CLEC12A: variants seen among roughly 807,000 people sequenced by gnomAD.
CLEC12A encodes the protein C-type lectin protein CLL-1.
A neutral mutation model predicts 26.5 loss-of-function variants in CLEC12A; 22 were observed. The ratio of observed to expected loss-of-function variants is 0.83; its 90% CI spans 0.59 to 1.19. The LOEUF (loss-of-function observed/expected upper bound fraction) is 1.19. Among genes scored for constraint, CLEC12A ranks in the 50% most tolerant of loss-of-function variants. CLEC12A has a pLI of 0.00. For synonymous variants in CLEC12A, 119 were observed against 101.9 expected (o/e 1.17, Z -1.01); for missense variants, 353 against 315.6 (o/e 1.12, Z -0.90).
At chr12:9,952,493 C>A (rs1038447103) in intron 1 of CLEC12A, 4 of 151,416 alleles carry the variant, frequency 2.6e-5, no homozygotes, top group African/African-American at 1.0e-4. Context: ...GGTGCCCAGG[C>A]TGGAGTGCAG....
rs182331134 is a variant in CLEC12A at position 9,981,891 on chromosome 12, A to G, written c.532-129A>G. Reference sequence around the variant, plus strand: ...TACTTTCTTTCAATTTCTTATAATGACATTTAATAGTAGTAGTGCAATGTC... The same window carrying G: ...TACTTTCTTTCAATTTCTTATAATGGCATTTAATAGTAGTAGTGCAATGTC... On this transcript the variant is annotated intron_variant, in intron 4 of 5. Transcript: ENST00000304361. 3.1e-5 allele frequency: 16 copies of G among 518,688 alleles called. 1 individual carries two copies. Among genetic ancestry groups the G allele is most frequent in the East Asian group, 2.4e-4 (7 of 29,412 alleles). 32.1% of individuals were successfully genotyped at this position (518,688 alleles called of 1,614,324 possible).
At chr12:9,990,570 A>C (rs990257838), downstream of CLEC12A, among the ~76,000 whole-genome samples, 2 of 152,196 alleles carry the variant, frequency 1.3e-5, no homozygotes, top group African/African-American at 4.8e-5. Context: ...GGATGAGCAA[A>C]GAAAATGGTT....
At chr12:9,976,584 G>A (rs2137165402) in intron 1 of CLEC12A, among the ~76,000 whole-genome samples, 1 of 152,302 alleles carries the variant, frequency 6.6e-6, no homozygotes, top group South Asian at 2.1e-4. Flanking sequence ...AGGTGGAAGG[G>A]ACTTGCCTTG....
At position 9,985,125 on chromosome 12, in the gene CLEC12A, G is replaced by A; in HGVS notation, c.*99G>A. ...GGTTGACAATTAGTTGAGTTTGTCT[G>A]AAGACCTGGGATTTTATCATGCAGA... On this transcript the variant is annotated 3_prime_UTR_variant, in exon 6 of 6. Transcript: ENST00000304361. The A allele has an allele frequency of 8.0e-7, 1 of 1,253,106 alleles. No homozygotes were observed. The highest frequency in any genetic ancestry group is 1.0e-6 in the Non-Finnish European group (1 of 977,642). 77.6% of individuals were successfully genotyped at this position (1,253,106 alleles called of 1,614,324 possible).
At chr12:9,994,166 G>A (rs1410096038) in intron 4 of CLEC12A, among the ~76,000 whole-genome samples, 2 of 152,110 alleles carry the variant, frequency 1.3e-5, no homozygotes, top group Non-Finnish European at 2.9e-5. Context: ...TCAGTGGAGA[G>A]ATGGTCATGG....
At chr12:9,956,489 T>C (rs902095687) in intron 1 of CLEC12A, among the ~76,000 whole-genome samples, 1 of 152,152 alleles carries the variant, frequency 6.6e-6, no homozygotes, top group Non-Finnish European at 1.5e-5. Context: ...CCCAGAAAAC[T>C]CAAGTTGTTT....
chr12:9,997,539 T>A (rs17734363), downstream of CLEC12A, among the ~76,000 whole-genome samples: 3,489 of 152,192 alleles, frequency 0.023, 56 homozygotes, highest in Non-Finnish European at 0.036. Flanking sequence ...ATCGATAACA[T>A]CCCCAGAGCC....
chr12:9,952,514 T>G (rs1402718937), intron 1 of CLEC12A: 1 of 152,430 alleles, frequency 6.6e-6, no homozygotes, highest in Non-Finnish European at 1.4e-5. Flanking sequence ...TGGCGTGATC[T>G]CGGCTCACTA....
downstream of CLEC12A, chr12:9,996,921 T>G (rs757185250): frequency 6.2e-7 from 1 of 1,614,152 alleles, no homozygotes; most frequent in South Asian, 1.1e-5. Flanking sequence ...CTTCCCATGT[T>G]AAGTTGTGCC....
At chr12:9,971,400 A>G (rs1403547109), upstream of CLEC12A, 3 of 1,207,886 alleles carry the variant, frequency 2.5e-6, no homozygotes, top group Non-Finnish European at 3.1e-6. Flanking sequence ...GAAGCCACAG[A>G]TGAGATTTGG....
chr12:9,962,487 A>G (rs1863850507), intron 1 of CLEC12A, among the ~76,000 whole-genome samples: 1 of 152,124 alleles, frequency 6.6e-6, no homozygotes, highest in African/African-American at 2.4e-5. Context: ...TGTGAGCAAC[A>G]AGGCTGTTTA....
chr12:10,002,584 A>C, the CLEC12A span, among the ~76,000 whole-genome samples: 2 of 150,854 alleles, frequency 1.3e-5, no homozygotes, highest in Admixed American at 1.3e-4. Context: ...TTGGGACTAC[A>C]GGCGCCCGCC....
At chr12:9,983,714 G>A (rs573025345) in intron 5 of CLEC12A, 14 of 478,560 alleles carry the variant, frequency 2.9e-5, no homozygotes, top group African/African-American at 2.6e-4. Flanking sequence ...GGGCCATAAT[G>A]GCAAATAGAA....
chr12:9,962,394 C>G (rs991973385), intron 1 of CLEC12A, among the ~76,000 whole-genome samples: 1 of 151,268 alleles, frequency 6.6e-6, no homozygotes, highest in Admixed American at 6.6e-5. Context: ...GTGCACTTTT[C>G]TTCACCTGTC....
chr12:10,002,204 T>G, the CLEC12A span, among the ~76,000 whole-genome samples: 1 of 152,136 alleles, frequency 6.6e-6, no homozygotes, highest in Admixed American at 6.5e-5. Context: ...TATTCCAAAT[T>G]TCCTGATGAA....
rs1263481157 is a variant in CLEC12A at position 9,980,721 on chromosome 12, C to T, written c.519C>T (p.Asn173=). Residue 173 remains asparagine, a synonymous_variant, in exon 4 of 6, where the codon AAC becomes AAT. Transcript: ENST00000304361. ...AQNASLLKIN[N]KNALEFIKSQ... is the part of the protein sequence containing the mutation. The stretch of plus-strand genomic sequence containing the variant: ...ATGCCAGCCTGTTGAAGATAAACAA[C>T]AAAAATGCATTGGTAAAGCCCAGGT... The T allele has an allele frequency of 1.2e-6, 2 of 1,613,236 alleles. No individual in the cohort carries two copies. The highest frequency in any genetic ancestry group is 2.2e-5 in the South Asian group (2 of 91,014).
chr12:9,982,599 T>A (rs654446), intron 5 of CLEC12A, among the ~76,000 whole-genome samples: 150,156 of 152,238 alleles, frequency 0.99, 74,083 homozygotes, highest in Middle Eastern at 1. Context: ...CATAAATTTT[T>A]GCAATGATAC....
At chr12:9,957,031 A>G (rs1453809150) in intron 1 of CLEC12A, among the ~76,000 whole-genome samples, 1 of 152,214 alleles carries the variant, frequency 6.6e-6, no homozygotes, top group Admixed American at 6.5e-5. Context: ...ATCGATATAA[A>G]CCAAAATGTA....
intron 4 of CLEC12A, chr12:9,993,344 C>G (rs769808294): frequency 7.0e-7 from 1 of 1,436,062 alleles, no homozygotes; most frequent in Admixed American, 1.7e-5. Context: ...AATCAGTAAT[C>G]AGACTCTGCG....
Sources: gnomAD v4.1 joint callset for allele counts (sites outside exome capture counted in the v4.1 genomes callset) on GRCh38, gnomAD v4.1.1 for gene constraint, MANE v1.5 for transcripts, NCBI Gene and HGNC (gene_info 2026-07-23, HGNC 2026-07-21) for gene names.